Variants in RAB10 observed in about 807,000 individuals in gnomAD.
RAB10 encodes the protein RAB10, member RAS oncogene family.
A neutral mutation model predicts 25.7 loss-of-function variants in RAB10; 5 were observed. That is an observed-to-expected ratio of 0.19 (90% CI 0.10 to 0.41). The LOEUF is 0.41. Ranked by LOEUF, RAB10 falls within the 10% of genes least tolerant of loss-of-function variation. The pLI is 1.00. For missense variants in RAB10, 103 were observed against 245.8 expected (o/e 0.42, Z 3.89); for synonymous variants, 89 against 86.4 (o/e 1.03, Z -0.16).
chr2:26,084,347 A>G (rs959490186), intron 1 of RAB10, among the ~76,000 whole-genome samples: 1 of 152,212 alleles, frequency 6.6e-6, no homozygotes, highest in South Asian at 2.1e-4. Flanking sequence ...TGCCTTATTC[A>G]TTGCCAAGTG....
At chr2:26,096,760 T>C (rs1444917282) in intron 1 of RAB10, among the ~76,000 whole-genome samples, 1 of 152,232 alleles carries the variant, frequency 6.6e-6, no homozygotes, top group African/African-American at 2.4e-5. Context: ...CTCTGAAATA[T>C]TGCTTTAGCT....
chr2:26,072,892 A>T (rs573683993), intron 1 of RAB10, among the ~76,000 whole-genome samples: 3 of 152,314 alleles, frequency 2.0e-5, no homozygotes, highest in African/African-American at 7.2e-5. Context: ...TTGTTTTCTT[A>T]GTTTTAATTT....
chr2:26,048,217 T>TTCC lies in RAB10; in HGVS notation c.127+13482_127+13483insTCC, dbSNP rs531068011. ...ATCATAAATTTTTGTTTCTTTGGAA[T>TTCC]AAACACCCAAAACTGCAATTGTTGG... On this transcript the variant is annotated intron_variant, in intron 1 of 5. Coordinates refer to ENST00000264710, the MANE Select transcript of RAB10 (RefSeq NM_016131.5). Among the ~76,000 whole-genome samples, 65 of 152,272 alleles carry TTCC rather than the reference T, an allele frequency of 4.3e-4. 2 individuals are homozygous for TTCC. The South Asian group carries it at 0.013, about 30-fold the overall frequency.
intron 1 of RAB10, among the ~76,000 whole-genome samples, chr2:26,093,545 A>C (rs1447101788): frequency 6.6e-6 from 1 of 152,216 alleles, no homozygotes; most frequent in African/African-American, 2.4e-5. Flanking sequence ...AATGTTCACT[A>C]TCAGTTGAGG....
intron 2 of RAB10, among the ~76,000 whole-genome samples, chr2:26,106,532 T>C (rs913061017): frequency 1.3e-5 from 2 of 152,216 alleles, no homozygotes; most frequent in African/African-American, 4.8e-5. Flanking sequence ...GCTTGAGCAA[T>C]AGGACATTCA....
At chr2:26,118,404 C>T (rs1374942308) in intron 3 of RAB10, among the ~76,000 whole-genome samples, 74 of 129,370 alleles carry the variant, frequency 5.7e-4, no homozygotes, top group African/African-American at 1.8e-3. Flanking sequence ...CCAGACCTCC[C>T]GGGCAAATAA....
At chr2:26,039,997 G>A (rs981777541) in intron 1 of RAB10, among the ~76,000 whole-genome samples, 8 of 152,150 alleles carry the variant, frequency 5.3e-5, no homozygotes, top group African/African-American at 1.9e-4. Context: ...CATATTTCAA[G>A]TGATTAATAG....
chr2:26,127,982 A>G (rs1011634374), intron 5 of RAB10, 31 bp downstream of exon 5: 1 of 1,478,762 alleles, frequency 6.8e-7, no homozygotes, highest in East Asian at 2.3e-5. Flanking sequence ...CCTGCCAGGT[A>G]CCTGAGTATC....
intron 3 of RAB10, among the ~76,000 whole-genome samples, chr2:26,113,743 T>TAA (rs56063928): frequency 3.2e-5 from 4 of 125,608 alleles, no homozygotes; most frequent in African/African-American, 5.9e-5. Flanking sequence ...CAGCCAGAGC[T>TAA]AAAAAAAAAA....
In RAB10 at chr2:26,041,985, G is replaced by C. The variant is rs183430077; in HGVS notation, c.127+7250G>C. Among the ~76,000 whole-genome samples, 4 of 152,324 alleles carry C rather than the reference G, an allele frequency of 2.6e-5. No individual in the cohort carries two copies. The East Asian group carries it at 7.7e-4, about 29-fold the overall frequency. ...GAGAGTTACTGCTTTTGGATGAGAA[G>C]ATTTCAGTGGTTGATTTGACCATAA... On this transcript the variant is annotated intron_variant, in intron 1 of 5. Transcript: ENST00000264710.
intron 5 of RAB10, among the ~76,000 whole-genome samples, chr2:26,132,322 C>T (rs182625326): frequency 7.9e-5 from 12 of 152,308 alleles, no homozygotes; most frequent in Admixed American, 4.6e-4. Flanking sequence ...GGCATGATCT[C>T]GGCTCACTGC....
At chr2:26,044,298 C>T (rs938074160) in intron 1 of RAB10, among the ~76,000 whole-genome samples, 3 of 152,212 alleles carry the variant, frequency 2.0e-5, no homozygotes, top group African/African-American at 7.2e-5. Context: ...CTACTGTTAA[C>T]CAGTGGTTGT....
chr2:26,052,014 G>A (rs1457067263), intron 1 of RAB10, among the ~76,000 whole-genome samples: 7 of 150,878 alleles, frequency 4.6e-5, no homozygotes, highest in African/African-American at 1.5e-4. Flanking sequence ...CTGAGATCCC[G>A]CCACTGCACT....
At chr2:26,132,313 G>A (rs1173041221) in intron 5 of RAB10, among the ~76,000 whole-genome samples, 1 of 152,208 alleles carries the variant, frequency 6.6e-6, no homozygotes, top group Admixed American at 6.5e-5. Context: ...GAGTGCAGTG[G>A]CATGATCTCG....
At chr2:26,047,329 T>G (rs983590625) in intron 1 of RAB10, among the ~76,000 whole-genome samples, 2 of 152,142 alleles carry the variant, frequency 1.3e-5, no homozygotes, top group Non-Finnish European at 2.9e-5. Context: ...TGTAACCTTT[T>G]GGGATTGGCT....
intron 1 of RAB10, among the ~76,000 whole-genome samples, chr2:26,090,620 CT>C (rs201520744): frequency 4.0e-5 from 6 of 148,316 alleles, no homozygotes; most frequent in Admixed American, 2.0e-4. Context: ...CCTCTGTTAA[CT>C]TTTTTTTTTC....
At chr2:26,055,744 C>G (rs1283655328) in intron 1 of RAB10, among the ~76,000 whole-genome samples, 1 of 151,856 alleles carries the variant, frequency 6.6e-6, no homozygotes, top group Non-Finnish European at 1.5e-5. Context: ...AGGCTGGTCT[C>G]AAATTTCTGG....
rs537772556 is a variant in RAB10 at position 26,049,920 on chromosome 2, C to G, written c.127+15185C>G. Among the ~76,000 whole-genome samples, 3 of 152,270 alleles carry G rather than the reference C, an allele frequency of 2.0e-5. No homozygotes were observed. In the East Asian group the frequency reaches 5.8e-4, roughly 29 times the overall value. On this transcript the variant is annotated intron_variant, in intron 1 of 5. Coordinates refer to ENST00000264710, the MANE Select transcript of RAB10 (RefSeq NM_016131.5). ...CCTCTCAAAATGAATTTCCACATAG[C>G]CAAACCACCAGATAATAATCTTTTG...
chr2:26,126,408 C>T (rs1190838524), intron 3 of RAB10, among the ~76,000 whole-genome samples: 1 of 152,112 alleles, frequency 6.6e-6, no homozygotes, highest in Non-Finnish European at 1.5e-5. Flanking sequence ...CAAAACCCCC[C>T]ATCTCTACCA....
Sources: allele counts gnomAD v4.1 joint callset (sites outside exome capture counted in the v4.1 genomes callset), GRCh38; gene constraint gnomAD v4.1.1; transcripts MANE v1.5; gene names NCBI Gene and HGNC (gene_info 2026-07-23, HGNC 2026-07-21).